Variants in RARB observed in about 807,000 individuals in gnomAD.
RARB encodes retinoic acid receptor beta.
RARB carries 17 observed loss-of-function variants against 51.9 expected under a neutral mutation model. That is an observed-to-expected ratio of 0.33 (90% CI 0.22 to 0.49). RARB has a LOEUF of 0.49. RARB is among the 20% of genes least tolerant of loss of function. The pLI, the probability that RARB is intolerant of heterozygous loss-of-function variation, is 0.99. For missense variants in RARB, 369 were observed against 550.8 expected, an observed-to-expected ratio of 0.67 and a Z score of 3.30; for synonymous variants, 215 against 195.4, an observed-to-expected ratio of 1.10 and a Z score of -0.84.
At chr3:24,938,039 C>A (rs1575080767) in intron 2 of RARB, among the ~76,000 whole-genome samples, 1 of 108,414 alleles carries the variant, frequency 9.2e-6, no homozygotes, top group Admixed American at 7.7e-5. Context: ...CCTATGCACA[C>A]ATGCGCACAC....
At chr3:25,340,412 G>C (rs1705193851) in intron 5 of RARB, among the ~76,000 whole-genome samples, 1 of 152,056 alleles carries the variant, frequency 6.6e-6, no homozygotes, top group Non-Finnish European at 1.5e-5. Context: ...TTAAAATTTT[G>C]AGTCCATTGT....
intron 3 of RARB, among the ~76,000 whole-genome samples, chr3:25,119,669 AC>A (rs1180517622): frequency 2.3e-3 from 338 of 148,078 alleles, no homozygotes; most frequent in African/African-American, 8.4e-3. Flanking sequence ...CAAAAAAAAA[AC>A]AACAACAAAA....
rs1696900308 is a variant in RARB at position 25,494,253 on chromosome 3, G to GCACACGCACACA, written c.307-6924_307-6923insGCACACACACAC. ...GCCCCCTTTTCCAGCTGTATCTTACGCACACACACACACACACACACACAC... is the reference window on the plus strand; with the variant it reads ...GCCCCCTTTTCCAGCTGTATCTTACGCACACGCACACACACACACACACACACACACACACAC... On this transcript the variant is annotated intron_variant, in intron 2 of 7. Transcript: ENST00000330688. Among the ~76,000 whole-genome samples the GCACACGCACACA allele has an allele frequency of 1.4e-4, 18 of 131,968 alleles. No individual in the cohort carries two copies. In the East Asian group the frequency reaches 3.3e-3, roughly 24 times the overall value. 86.6% of individuals were successfully genotyped at this position (131,968 alleles called of 152,430 possible).
chr3:25,026,091 C>T (rs1297233651), intron 2 of RARB, among the ~76,000 whole-genome samples: 1 of 151,984 alleles, frequency 6.6e-6, no homozygotes, highest in African/African-American at 2.4e-5. Context: ...TGCTCTTGCT[C>T]CCCCCACCTT....
intron 2 of RARB, among the ~76,000 whole-genome samples, chr3:25,497,232 T>C (rs1474961412): frequency 1.3e-5 from 2 of 152,056 alleles, no homozygotes; most frequent in African/African-American, 2.4e-5. Flanking sequence ...GGGATAGTAT[T>C]GAAACATTCC....
At chr3:25,336,130 A>G (rs796555569) in intron 5 of RARB, among the ~76,000 whole-genome samples, 3 of 152,234 alleles carry the variant, frequency 2.0e-5, no homozygotes, top group African/African-American at 4.8e-5. Context: ...AAATAAAATT[A>G]TGTATTCCAT....
intron 1 of RARB, among the ~76,000 whole-genome samples, chr3:24,840,323 C>G (rs961305169): frequency 2.0e-5 from 3 of 152,150 alleles, no homozygotes; most frequent in African/African-American, 4.8e-5. Context: ...TTAAATGGAG[C>G]TGTGAAGGTA....
At chr3:25,468,372 CTTTTTTTTT>C (rs34870919) in intron 2 of RARB, among the ~76,000 whole-genome samples, 4 of 81,694 alleles carry the variant, frequency 4.9e-5, no homozygotes, top group Admixed American at 1.4e-4. Context: ...GGCATTTGGG[CTTTTTTTTT>C]TTTTTTTTTT....
At chr3:25,586,450 A>G in intron 5 of RARB, among the ~76,000 whole-genome samples, 1 of 152,198 alleles carries the variant, frequency 6.6e-6, no homozygotes, top group Non-Finnish European at 1.5e-5. Flanking sequence ...TTGTGAATGG[A>G]TGAATGAGCA....
At chr3:25,504,951 TTTCATCAAGTTGGCCAGGCTA>T (rs1195289568) in intron 3 of RARB, among the ~76,000 whole-genome samples, 1 of 151,958 alleles carries the variant, frequency 6.6e-6, no homozygotes, top group African/African-American at 2.4e-5. Context: ...AGAGATGGCG[TTTCATCAAGTTGGCCAGGCTA>T]TTCATCATGT....
chr3:25,175,815 C>T (rs2125354049), intron 5 of RARB, among the ~76,000 whole-genome samples: 1 of 152,244 alleles, frequency 6.6e-6, no homozygotes, highest in African/African-American at 2.4e-5. Context: ...TCTGGAATTG[C>T]CTAAAAACCT....
intron 5 of RARB, among the ~76,000 whole-genome samples, chr3:25,590,071 A>C (rs1701554732): frequency 6.6e-6 from 1 of 152,200 alleles, no homozygotes. Flanking sequence ...GAGGCTCCTC[A>C]GATAAAAGAA....
At chr3:24,911,038 A>G (rs1268118264) in intron 2 of RARB, among the ~76,000 whole-genome samples, 1 of 152,236 alleles carries the variant, frequency 6.6e-6, no homozygotes, top group East Asian at 1.9e-4. Context: ...AAGCTGTGAT[A>G]AATGTTATGA....
intron 5 of RARB, among the ~76,000 whole-genome samples, chr3:25,369,548 T>C (rs571482085): frequency 6.6e-6 from 1 of 152,226 alleles, no homozygotes; most frequent in Non-Finnish European, 1.5e-5. Flanking sequence ...TTAAAATGAA[T>C]ACCTATTCCA....
At chr3:24,869,180 A>G (rs1702901037) in intron 2 of RARB, among the ~76,000 whole-genome samples, 1 of 152,178 alleles carries the variant, frequency 6.6e-6, no homozygotes, top group African/African-American at 2.4e-5. Context: ...TCTTACACAG[A>G]ATGTACAATT....
chr3:25,131,414 T>C (rs990354905), intron 3 of RARB, among the ~76,000 whole-genome samples: 2 of 152,050 alleles, frequency 1.3e-5, no homozygotes, highest in Non-Finnish European at 1.5e-5. Flanking sequence ...GCCTTGTTTC[T>C]TTTTAAACAT....
Position 24,839,718 on chromosome 3 carries a change from AAGG to A in RARB, c.-459+10316_-459+10318del, listed in dbSNP as rs1337160939. ...GACGCTGTCTCAAAAAAAAAAAAAA[AAGG>A]GGGGGGGGGTGGGGGAAGAAACAGT... is the stretch of plus-strand genomic sequence containing the variant. On this transcript the variant is annotated intron_variant, in intron 1 of 11. Coordinates refer to the RARB transcript ENST00000383772. Among the ~76,000 whole-genome samples the A allele has an allele frequency of 5.5e-3, 368 of 66,510 alleles. 4 individuals carry two copies. The highest frequency in any genetic ancestry group is 0.02 in the African/African-American group (295 of 14,842). The allele number at this position is 66,510 out of a possible 152,430, so 43.6% of individuals were successfully genotyped here. A position where few individuals can be genotyped will look rare whatever the true frequency, so the allele number is the denominator to read the frequency against.
At chr3:24,924,182 C>T (rs1466691528) in intron 2 of RARB, among the ~76,000 whole-genome samples, 1 of 152,036 alleles carries the variant, frequency 6.6e-6, no homozygotes, top group African/African-American at 2.4e-5. Flanking sequence ...AACAGGAATT[C>T]CTAGAAAGAA....
At chr3:25,145,589 A>T (rs1260519553) in intron 4 of RARB, among the ~76,000 whole-genome samples, 3 of 152,216 alleles carry the variant, frequency 2.0e-5, no homozygotes, top group Admixed American at 1.3e-4. Flanking sequence ...TGATTGTTCC[A>T]GTGGACATTA....
Sources: allele counts gnomAD v4.1 joint callset (sites outside exome capture counted in the v4.1 genomes callset), GRCh38; gene constraint gnomAD v4.1.1; transcripts MANE v1.5; gene names NCBI Gene and HGNC (gene_info 2026-07-23, HGNC 2026-07-21).